RYR2: variants seen among roughly 807,000 people sequenced by gnomAD.
The protein encoded by RYR2 is cardiac muscle ryanodine receptor-calcium release channel.
A neutral mutation model predicts 601.1 loss-of-function variants in RYR2; 227 were observed. The ratio of observed to expected loss-of-function variants is 0.38; its 90% CI spans 0.34 to 0.42. RYR2 has a LOEUF of 0.42. RYR2 is among the 10% of genes least tolerant of loss of function. RYR2 has a pLI of 1.00. For synonymous variants in RYR2, 2,223 were observed against 2,175.1 expected (o/e 1.02, Z -0.61); for missense variants, 4,646 against 6,156.5 (o/e 0.75, Z 8.21).
At chr1:237,153,780 A>G (rs908622854) in intron 1 of RYR2, among the ~76,000 whole-genome samples, 2 of 152,156 alleles carry the variant, frequency 1.3e-5, no homozygotes, top group Non-Finnish European at 2.9e-5. Flanking sequence ...TTTTCATTTA[A>G]GTTACCCCAA....
At chr1:237,460,647 G>T in intron 16 of RYR2, among the ~76,000 whole-genome samples, 1 of 152,218 alleles carries the variant, frequency 6.6e-6, no homozygotes, top group South Asian at 2.1e-4. Flanking sequence ...CTGTAGCAGG[G>T]TGCATTTGGC....
chr1:237,375,669 A>G (rs904225830), intron 7 of RYR2, among the ~76,000 whole-genome samples: 1 of 152,208 alleles, frequency 6.6e-6, no homozygotes, highest in Non-Finnish European at 1.5e-5. Context: ...AAGAAATTCC[A>G]AGAACCCCTG....
chr1:237,342,742 A>G (rs1355466388), intron 3 of RYR2, among the ~76,000 whole-genome samples: 1 of 152,174 alleles, frequency 6.6e-6, no homozygotes, highest in Non-Finnish European at 1.5e-5. Context: ...CCTTTGCTGG[A>G]ACCAGAAACC....
chr1:237,132,032 C>T (rs1400406756), intron 1 of RYR2, among the ~76,000 whole-genome samples: 1 of 152,174 alleles, frequency 6.6e-6, no homozygotes, highest in Admixed American at 6.5e-5. Flanking sequence ...CCCAAGTATT[C>T]ATAATCTTGC....
intron 65 of RYR2, among the ~76,000 whole-genome samples, chr1:237,701,709 A>G (rs1170991218): frequency 3.4e-5 from 5 of 149,136 alleles, no homozygotes; most frequent in Non-Finnish European, 5.9e-5. Flanking sequence ...AGTCTTGTCT[A>G]TTATTCTCCT....
chr1:237,560,428 A>G (rs1248426292), intron 27 of RYR2, among the ~76,000 whole-genome samples: 1 of 152,232 alleles, frequency 6.6e-6, no homozygotes, highest in African/African-American at 2.4e-5. Context: ...AAAAGGGAAC[A>G]TAATGACAGT....
chr1:237,240,815 A>G (rs1686088256), intron 1 of RYR2, among the ~76,000 whole-genome samples: 1 of 152,148 alleles, frequency 6.6e-6, no homozygotes, highest in Admixed American at 6.6e-5. Context: ...AAATTATCTT[A>G]TCATTGTTTT....
At chr1:237,381,408 T>A (rs993255148) in intron 8 of RYR2, among the ~76,000 whole-genome samples, 1 of 152,192 alleles carries the variant, frequency 6.6e-6, no homozygotes, top group African/African-American at 2.4e-5. Context: ...TCTGAAGAGA[T>A]GCTGGTGTTG....
chr1:237,381,362 A>G (rs561248319), intron 8 of RYR2, among the ~76,000 whole-genome samples: 2 of 152,290 alleles, frequency 1.3e-5, no homozygotes, highest in East Asian at 3.9e-4. Context: ...AGGTGATATT[A>G]ACTAAAGATC....
intron 58 of RYR2, among the ~76,000 whole-genome samples, chr1:237,670,377 T>G (rs1457523858): frequency 6.6e-6 from 1 of 151,826 alleles, no homozygotes; most frequent in South Asian, 2.1e-4. Context: ...TTCCACATTT[T>G]TAATTGCCTA....
intron 12 of RYR2, among the ~76,000 whole-genome samples, chr1:237,439,114 T>G (rs1158826097): frequency 6.6e-6 from 1 of 152,234 alleles, no homozygotes; most frequent in Non-Finnish European, 1.5e-5. Context: ...TTCTGTTGGA[T>G]GCTTTTACTA....
intron 2 of RYR2, among the ~76,000 whole-genome samples, chr1:237,328,454 T>G (rs941221869): frequency 6.6e-6 from 1 of 152,188 alleles, no homozygotes; most frequent in Non-Finnish European, 1.5e-5. Flanking sequence ...TCTGGCCAAC[T>G]GCAGACTTTA....
chr1:237,542,743 A>C (rs1669437746), intron 25 of RYR2, among the ~76,000 whole-genome samples: 1 of 152,024 alleles, frequency 6.6e-6, no homozygotes, highest in Non-Finnish European at 1.5e-5. Flanking sequence ...TGGTGGAGGG[A>C]GAAGGAAGGG....
chr1:237,344,140 G>T (rs1016123568), intron 3 of RYR2, among the ~76,000 whole-genome samples: 4 of 152,166 alleles, frequency 2.6e-5, no homozygotes, highest in African/African-American at 9.7e-5. Context: ...GGGGTTTTTA[G>T]TTCCTCGGGA....
intron 1 of RYR2, among the ~76,000 whole-genome samples, chr1:237,063,881 C>A (rs1663201985): frequency 6.6e-6 from 1 of 152,158 alleles, no homozygotes; most frequent in African/African-American, 2.4e-5. Context: ...TGATCCACCC[C>A]CGACCCCACC....
chr1:237,219,699 C>T (rs1683591791), intron 1 of RYR2, among the ~76,000 whole-genome samples: 1 of 152,128 alleles, frequency 6.6e-6, no homozygotes, highest in Non-Finnish European at 1.5e-5. Context: ...TTAATTTCCT[C>T]CTGGATAAGT....
chr1:237,818,583 G>C (rs1662091773), intron 100 of RYR2, among the ~76,000 whole-genome samples: 1 of 151,960 alleles, frequency 6.6e-6, no homozygotes, highest in Non-Finnish European at 1.5e-5. Flanking sequence ...CTATGTGAGG[G>C]AAGGGTGTTA....
intron 29 of RYR2, among the ~76,000 whole-genome samples, chr1:237,581,164 A>G (rs1236059346): frequency 2.6e-5 from 4 of 152,216 alleles, no homozygotes; most frequent in African/African-American, 4.8e-5. Context: ...ATCTTGATGT[A>G]TAGTTTATGG....
intron 2 of RYR2, among the ~76,000 whole-genome samples, chr1:237,303,364 A>G (rs1050932934): frequency 2.8e-5 from 4 of 140,876 alleles, no homozygotes; most frequent in African/African-American, 1.1e-4. Context: ...CAGTGGTGCA[A>G]TGTCAGCTCA....
Sources: allele counts gnomAD v4.1 joint callset (sites outside exome capture counted in the v4.1 genomes callset), GRCh38; gene constraint gnomAD v4.1.1; transcripts MANE v1.5; gene names NCBI Gene and HGNC (gene_info 2026-07-23, HGNC 2026-07-21).